PDGFD: variants seen among roughly 807,000 people sequenced by gnomAD.
PDGFD encodes the protein platelet-derived growth factor D.
In PDGFD, 30 loss-of-function variants were observed where a neutral mutation model predicts 44.7. The observed-to-expected ratio is 0.67, with a 90% CI of 0.50 to 0.91. The LOEUF (loss-of-function observed/expected upper bound fraction) is 0.91. PDGFD is among the 40% of genes least tolerant of loss of function. The pLI, the probability that PDGFD is intolerant of heterozygous loss-of-function variation, is 0.00. For missense variants in PDGFD, 445 were observed against 457.8 expected (o/e 0.97, Z 0.25); for synonymous variants, 173 against 168.4 (o/e 1.03, Z -0.21).
In PDGFD at chr11:104,091,733, C is replaced by G. The variant is rs73608375; in HGVS notation, c.124+72071G>C. On this transcript the variant is annotated intron_variant, in intron 1 of 6. Transcript: ENST00000393158. ...TTCCTATAATAAATAATTATAATAGCCATTATATAACTAATGGCTTTATAA... is the reference window on the plus strand; with the variant it reads ...TTCCTATAATAAATAATTATAATAGGCATTATATAACTAATGGCTTTATAA... 5.4e-3 allele frequency among the ~76,000 whole-genome samples: 829 copies of G among 152,166 alleles called. 5 individuals carry two copies. Among genetic ancestry groups the G allele is most frequent in the African/African-American group, 0.019 (785 of 41,516 alleles).
chr11:104,130,603 T>C (rs531891615), intron 1 of PDGFD, among the ~76,000 whole-genome samples: 1 of 152,298 alleles, frequency 6.6e-6, no homozygotes, highest in African/African-American at 2.4e-5. Context: ...TCAACTATAC[T>C]AGCCTTCTTT....
chr11:103,978,483 A>C (rs1487804417), intron 3 of PDGFD, among the ~76,000 whole-genome samples: 9 of 152,024 alleles, frequency 5.9e-5, no homozygotes, highest in African/African-American at 2.2e-4. Flanking sequence ...TATGGGACTT[A>C]AATATGTTTA....
At chr11:104,016,691 C>T (rs150575506) in intron 1 of PDGFD, among the ~76,000 whole-genome samples, 29 of 152,294 alleles carry the variant, frequency 1.9e-4, no homozygotes, top group Middle Eastern at 6.8e-3. Context: ...TGCATTCAAC[C>T]GATATTTCCT....
At chr11:104,027,290 C>T (rs1301934227) in intron 1 of PDGFD, among the ~76,000 whole-genome samples, 1 of 152,192 alleles carries the variant, frequency 6.6e-6, no homozygotes, top group Non-Finnish European at 1.5e-5. Flanking sequence ...CTGACAGCAC[C>T]TGGTTCTAGT....
intron 3 of PDGFD, among the ~76,000 whole-genome samples, chr11:103,994,290 C>T (rs762758192): frequency 5.3e-5 from 8 of 152,190 alleles, no homozygotes; most frequent in Non-Finnish European, 1.2e-4. Flanking sequence ...TATCCATCAC[C>T]ATTCTCACAT....
At chr11:104,146,543 T>C (rs1489799012) in intron 1 of PDGFD, among the ~76,000 whole-genome samples, 1 of 152,190 alleles carries the variant, frequency 6.6e-6, no homozygotes, top group East Asian at 1.9e-4. Context: ...ATCCAGATTT[T>C]TGTAGTCTAA....
chr11:103,948,738 A>C (rs1858699180), intron 3 of PDGFD, among the ~76,000 whole-genome samples: 2 of 152,110 alleles, frequency 1.3e-5, no homozygotes, highest in South Asian at 4.1e-4. Flanking sequence ...AATTTCATTA[A>C]CATTTTGAGG....
chr11:104,059,724 G>A (rs1057363368), intron 1 of PDGFD, among the ~76,000 whole-genome samples: 3 of 152,148 alleles, frequency 2.0e-5, no homozygotes, highest in Non-Finnish European at 2.9e-5. Context: ...AGACTCTGCT[G>A]TTGTTGATTC....
intron 1 of PDGFD, among the ~76,000 whole-genome samples, chr11:104,040,975 C>T (rs1451327223): frequency 6.6e-6 from 1 of 151,838 alleles, no homozygotes; most frequent in Non-Finnish European, 1.5e-5. Context: ...CTATTCAGAG[C>T]TTTTTGATTT....
chr11:103,937,214 A>G (rs1858502974), intron 5 of PDGFD, among the ~76,000 whole-genome samples: 1 of 152,208 alleles, frequency 6.6e-6, no homozygotes, highest in African/African-American at 2.4e-5. Flanking sequence ...TATTTTAATT[A>G]TTAATTTAAA....
intron 1 of PDGFD, among the ~76,000 whole-genome samples, chr11:104,028,700 TA>T (rs542723011): frequency 1.3e-5 from 2 of 149,168 alleles, no homozygotes; most frequent in African/African-American, 5.0e-5. Context: ...GCATTCTAGA[TA>T]AAAAAACACT....
chr11:103,980,965 T>A (rs1859262610), intron 3 of PDGFD, among the ~76,000 whole-genome samples: 1 of 152,086 alleles, frequency 6.6e-6, no homozygotes, highest in African/African-American at 2.4e-5. Flanking sequence ...TACTTTGTTA[T>A]AATAGCCTGA....
At chr11:104,120,796 T>A (rs1273069519) in intron 1 of PDGFD, among the ~76,000 whole-genome samples, 1 of 151,902 alleles carries the variant, frequency 6.6e-6, no homozygotes, top group African/African-American at 2.4e-5. Flanking sequence ...CTATTGTGAT[T>A]TTTTTCCCAC....
chr11:104,058,860 T>C (rs1207283121), intron 1 of PDGFD, among the ~76,000 whole-genome samples: 1 of 152,178 alleles, frequency 6.6e-6, no homozygotes, highest in Non-Finnish European at 1.5e-5. Flanking sequence ...AGCATTATGC[T>C]AAGTGAAAGA....
intron 1 of PDGFD, among the ~76,000 whole-genome samples, chr11:104,108,823 T>C (rs956506350): frequency 6.6e-6 from 1 of 152,054 alleles, no homozygotes; most frequent in Non-Finnish European, 1.5e-5. Context: ...GACGATAGAC[T>C]GGATTAAGAA....
At chr11:104,086,932 G>C (rs1440409659) in intron 1 of PDGFD, among the ~76,000 whole-genome samples, 3 of 149,600 alleles carry the variant, frequency 2.0e-5, no homozygotes, top group Non-Finnish European at 4.5e-5. Flanking sequence ...AACATCGTTA[G>C]AATCAGTGGT....
At chr11:103,930,545 A>C (rs1858384742) in intron 5 of PDGFD, among the ~76,000 whole-genome samples, 1 of 109,210 alleles carries the variant, frequency 9.2e-6, no homozygotes, top group African/African-American at 5.3e-5. Flanking sequence ...GCCTTTCAAA[A>C]GTTAAGAAAA....
chr11:104,106,756 TTTTTC>T (rs563576350), intron 1 of PDGFD, among the ~76,000 whole-genome samples: 79 of 152,030 alleles, frequency 5.2e-4, no homozygotes, highest in Admixed American at 1.3e-3. Context: ...CTTTTTTTTT[TTTTTC>T]AAGTCAGAAT....
chr11:104,030,166 A>G (rs995703887), intron 1 of PDGFD, among the ~76,000 whole-genome samples: 1 of 152,206 alleles, frequency 6.6e-6, no homozygotes, highest in African/African-American at 2.4e-5. Context: ...AAGACATCTC[A>G]TTATGTATAA....
Sources: gnomAD v4.1 joint callset for allele counts (sites outside exome capture counted in the v4.1 genomes callset) on GRCh38, gnomAD v4.1.1 for gene constraint, MANE v1.5 for transcripts, NCBI Gene and HGNC (gene_info 2026-07-23, HGNC 2026-07-21) for gene names.